Variants in ITGBL1 observed in about 807,000 individuals in gnomAD.
ITGBL1 encodes integrin subunit beta like 1, also known as integrin beta-like protein 1.
In ITGBL1, 51 loss-of-function variants were observed where a neutral mutation model predicts 68.5. The observed-to-expected ratio is 0.74, with a 90% CI of 0.59 to 0.94. ITGBL1 has a LOEUF of 0.94. Ranked by LOEUF, ITGBL1 falls within the 40% of genes least tolerant of loss-of-function variation. The pLI, the probability that ITGBL1 is intolerant of heterozygous loss-of-function variation, is 0.00. For synonymous variants in ITGBL1, 209 were observed against 227.3 expected, an observed-to-expected ratio of 0.92 and a Z score of 0.72; for missense variants, 649 against 647.4, an observed-to-expected ratio of 1.00 and a Z score of -0.03.
intron 2 of ITGBL1, among the ~76,000 whole-genome samples, chr13:101,504,405 T>G (rs1369355324): frequency 6.6e-6 from 1 of 152,170 alleles, no homozygotes; most frequent in Admixed American, 6.5e-5. Flanking sequence ...TCAGAATTGC[T>G]TGGAAGATTA....
chr13:101,525,335 A>G (rs2049355915), intron 2 of ITGBL1, among the ~76,000 whole-genome samples: 1 of 152,156 alleles, frequency 6.6e-6, no homozygotes, highest in Non-Finnish European at 1.5e-5. Flanking sequence ...GTTGTTAATT[A>G]CAAATGGCCT....
At chr13:101,489,387 G>A (rs1290839217) in intron 2 of ITGBL1, among the ~76,000 whole-genome samples, 1 of 152,114 alleles carries the variant, frequency 6.6e-6, no homozygotes, top group Non-Finnish European at 1.5e-5. Context: ...CTTCTTTTGA[G>A]ATATAAACTG....
chr13:101,657,096 T>C (rs74875010), intron 7 of ITGBL1, among the ~76,000 whole-genome samples: 3,075 of 152,248 alleles, frequency 0.02, 111 homozygotes, highest in African/African-American at 0.069. Context: ...CTAGCCCAAA[T>C]GCAGAGAGGA....
chr13:101,596,507 C>T (rs1422136377), intron 6 of ITGBL1, among the ~76,000 whole-genome samples: 2 of 152,118 alleles, frequency 1.3e-5, no homozygotes, highest in Non-Finnish European at 2.9e-5. Flanking sequence ...GTAATCATTT[C>T]ACAATGCATA....
intron 7 of ITGBL1, among the ~76,000 whole-genome samples, chr13:101,670,007 T>A (rs998166832): frequency 6.6e-6 from 1 of 152,266 alleles, no homozygotes; most frequent in African/African-American, 2.4e-5. Context: ...TGCCTTTTTT[T>A]CCCCCTCCAG....
chr13:101,501,717 A>G (rs894919933), intron 2 of ITGBL1, among the ~76,000 whole-genome samples: 1 of 152,146 alleles, frequency 6.6e-6, no homozygotes, highest in African/African-American at 2.4e-5. Flanking sequence ...ACTCCCCAGC[A>G]AGGTCAGTTT....
At chr13:101,642,919 C>T (rs1428871360) in intron 7 of ITGBL1, among the ~76,000 whole-genome samples, 1 of 150,312 alleles carries the variant, frequency 6.7e-6, no homozygotes, top group Admixed American at 6.6e-5. Context: ...TTCCATTGAT[C>T]TATATCTCTG....
intron 9 of ITGBL1, among the ~76,000 whole-genome samples, chr13:101,709,261 A>G (rs2139594042): frequency 6.7e-6 from 1 of 148,314 alleles, no homozygotes; most frequent in African/African-American, 2.5e-5. Flanking sequence ...GCTACTCGGG[A>G]GGCTGAGGCA....
intron 7 of ITGBL1, among the ~76,000 whole-genome samples, chr13:101,643,897 T>C (rs147667550): frequency 2.3e-4 from 35 of 152,332 alleles, no homozygotes; most frequent in African/African-American, 8.4e-4. Flanking sequence ...TCTCAATGAA[T>C]ACCAAGCTCT....
At chr13:101,640,462 C>G (rs9634526) in intron 7 of ITGBL1, among the ~76,000 whole-genome samples, 2 of 152,142 alleles carry the variant, frequency 1.3e-5, no homozygotes, top group Non-Finnish European at 2.9e-5. Context: ...CTTGTATATT[C>G]TACCTGGGTA....
At chr13:101,495,007 C>A (rs2048836174) in intron 2 of ITGBL1, among the ~76,000 whole-genome samples, 1 of 152,170 alleles carries the variant, frequency 6.6e-6, no homozygotes, top group Non-Finnish European at 1.5e-5. Context: ...CACACAAGTG[C>A]TATATTTCTC....
At chr13:101,515,345 A>T (rs1449598459) in intron 2 of ITGBL1, among the ~76,000 whole-genome samples, 2 of 150,774 alleles carry the variant, frequency 1.3e-5, no homozygotes, top group Non-Finnish European at 3.0e-5. Flanking sequence ...TTTTTTTTTT[A>T]GCCCAGCATT....
At chr13:101,695,456 A>C (rs2033980461) in intron 8 of ITGBL1, among the ~76,000 whole-genome samples, 1 of 152,260 alleles carries the variant, frequency 6.6e-6, no homozygotes, top group Admixed American at 6.5e-5. Flanking sequence ...GCTTTACTCT[A>C]AAGGTGACAG....
At chr13:101,572,530 G>A (rs1185532811) in intron 3 of ITGBL1, among the ~76,000 whole-genome samples, 2 of 152,102 alleles carry the variant, frequency 1.3e-5, no homozygotes, top group Non-Finnish European at 2.9e-5. Context: ...TCAAGTGTAA[G>A]GCAGAAGACC....
intron 2 of ITGBL1, among the ~76,000 whole-genome samples, chr13:101,472,166 C>G (rs1365633264): frequency 1.3e-5 from 2 of 152,086 alleles, no homozygotes; most frequent in Admixed American, 6.6e-5. Flanking sequence ...TCACAAAAAT[C>G]CTTAATTTCC....
chr13:101,624,941 G>T (rs554112451), intron 7 of ITGBL1, among the ~76,000 whole-genome samples: 1 of 152,080 alleles, frequency 6.6e-6, no homozygotes, highest in Non-Finnish European at 1.5e-5. Flanking sequence ...GAGGTTTTGC[G>T]GTACAGCTTT....
intron 7 of ITGBL1, among the ~76,000 whole-genome samples, chr13:101,652,180 C>T (rs1208995468): frequency 6.6e-6 from 1 of 152,120 alleles, no homozygotes; most frequent in Admixed American, 6.6e-5. Context: ...GAAGTCATGT[C>T]GCCCAGGCTA....
intron 7 of ITGBL1, among the ~76,000 whole-genome samples, chr13:101,637,416 T>C (rs2032208216): frequency 6.7e-6 from 1 of 149,500 alleles, no homozygotes. Flanking sequence ...CGATCTGGGC[T>C]CACTGCAACC....
intron 2 of ITGBL1, among the ~76,000 whole-genome samples, chr13:101,480,171 C>A (rs985902658): frequency 5.9e-5 from 9 of 151,936 alleles, no homozygotes; most frequent in Admixed American, 5.3e-4. Flanking sequence ...TTTGAAACAA[C>A]ATGGATGGAA....
Sources: gnomAD v4.1 joint callset for allele counts (sites outside exome capture counted in the v4.1 genomes callset) on GRCh38, gnomAD v4.1.1 for gene constraint, MANE v1.5 for transcripts, NCBI Gene and HGNC (gene_info 2026-07-23, HGNC 2026-07-21) for gene names.